Variants in CCDC85A observed in about 807,000 individuals in gnomAD.
CCDC85A encodes coiled-coil domain-containing protein 85A.
In CCDC85A, 38 loss-of-function variants were observed where a neutral mutation model predicts 50.2. That is an observed-to-expected ratio of 0.76 (90% CI 0.58 to 0.99). The LOEUF (loss-of-function observed/expected upper bound fraction) is 0.99, where lower values mean the gene tolerates loss of function less well. CCDC85A is among the 50% of genes least tolerant of loss of function. The probability of loss-of-function intolerance (pLI) is 0.00; values close to 1 mark genes in which losing one functional copy is unlikely to be tolerated. For missense variants in CCDC85A, 820 were observed against 742.0 expected (o/e 1.11, Z -1.22); for synonymous variants, 366 against 301.4 (o/e 1.21, Z -2.22).
chr2:56,187,907 A>G (rs1028643630), intron 1 of CCDC85A, among the ~76,000 whole-genome samples: 3 of 152,210 alleles, frequency 2.0e-5, no homozygotes, highest in Admixed American at 1.3e-4. Flanking sequence ...GAATCTCTGT[A>G]GATTTGTTTT....
chr2:56,188,171 T>C (rs566090065), intron 1 of CCDC85A, among the ~76,000 whole-genome samples: 2 of 152,332 alleles, frequency 1.3e-5, no homozygotes, highest in East Asian at 3.9e-4. Context: ...CCTAGTGTTT[T>C]GCAAAAGAAA....
At chr2:56,216,535 C>G (rs1166693555) in intron 2 of CCDC85A, among the ~76,000 whole-genome samples, 1 of 151,756 alleles carries the variant, frequency 6.6e-6, no homozygotes, top group Non-Finnish European at 1.5e-5. Context: ...TCTTTTTCTT[C>G]TAAAATACCG....
At chr2:56,341,496 C>T (rs148493489) in intron 2 of CCDC85A, among the ~76,000 whole-genome samples, 276 of 152,238 alleles carry the variant, frequency 1.8e-3, no homozygotes, top group African/African-American at 6.4e-3. Context: ...TGCTGTGTAC[C>T]TTTCACTGCA....
chr2:56,340,905 G>C (rs976855304), intron 2 of CCDC85A, among the ~76,000 whole-genome samples: 44 of 144,564 alleles, frequency 3.0e-4, no homozygotes, highest in Admixed American at 8.9e-4. Flanking sequence ...AAAAGCTTTA[G>C]AGCAGGAATG....
Position 56,313,226 on chromosome 2 carries a change from C to T in CCDC85A, c.1241-29653C>T, listed in dbSNP as rs115565281. On this transcript the variant is annotated intron_variant, in intron 2 of 5. Transcript: ENST00000407595. ...TGTCTTCTATTTTTATCTTAACAGT[C>T]TTTATGTAAGACTTTAAGTAATATT... Among the ~76,000 whole-genome samples, 1,244 of 152,142 alleles carry T rather than the reference C, an allele frequency of 8.2e-3. 27 individuals are homozygous for T. Among genetic ancestry groups the T allele is most frequent in the African/African-American group, 0.028 (1,169 of 41,522 alleles).
chr2:56,318,326 A>G (rs1673011615), intron 2 of CCDC85A, among the ~76,000 whole-genome samples: 1 of 151,918 alleles, frequency 6.6e-6, no homozygotes, highest in South Asian at 2.1e-4. Context: ...CATCGTGCTA[A>G]GCTCATCCAC....
At position 56,383,529 on chromosome 2, in the gene CCDC85A, A is replaced by T. The variant is rs552109829; in HGVS notation, c.1573-737A>T. 3.2e-6 allele frequency: 3 copies of T among 951,254 alleles called. No homozygotes were observed. In the East Asian group the frequency reaches 3.5e-4, roughly 110 times the overall value. 58.9% of individuals were successfully genotyped at this position (951,254 alleles called of 1,614,324 possible). A position where few individuals can be genotyped will look rare whatever the true frequency, so the allele number is the denominator to read the frequency against. The stretch of plus-strand genomic sequence containing the variant: ...CACCTTTTGTCCCTCTATGTGGCCC[A>T]GCTTCTAACATATTGTAATTGTATC... On this transcript the variant is annotated intron_variant, in intron 5 of 5. Coordinates refer to ENST00000407595, the MANE Select transcript of CCDC85A (RefSeq NM_001080433.2).
At chr2:56,215,927 A>AT (rs1268668124) in intron 2 of CCDC85A, among the ~76,000 whole-genome samples, 1 of 151,936 alleles carries the variant, frequency 6.6e-6, no homozygotes, top group Admixed American at 6.6e-5. Flanking sequence ...AAATTATGAC[A>AT]TTTAAACTTC....
At chr2:56,264,113 G>T (rs544954589) in intron 2 of CCDC85A, among the ~76,000 whole-genome samples, 2 of 152,154 alleles carry the variant, frequency 1.3e-5, no homozygotes, top group Non-Finnish European at 2.9e-5. Flanking sequence ...TCAGGCTGTG[G>T]GTTGAACAGA....
At chr2:56,328,191 A>G (rs1231417062) in intron 2 of CCDC85A, among the ~76,000 whole-genome samples, 1 of 152,158 alleles carries the variant, frequency 6.6e-6, no homozygotes, top group Non-Finnish European at 1.5e-5. Context: ...AAAGCATGCT[A>G]AAAGGAAGCA....
intron 3 of CCDC85A, among the ~76,000 whole-genome samples, chr2:56,345,723 TAC>T (rs1674602314): frequency 6.6e-6 from 1 of 152,218 alleles, no homozygotes; most frequent in Non-Finnish European, 1.5e-5. Context: ...TCAGCTGGAT[TAC>T]ACAAAGGCAT....
chr2:56,293,116 A>G (rs930533519), intron 2 of CCDC85A, among the ~76,000 whole-genome samples: 1 of 152,180 alleles, frequency 6.6e-6, no homozygotes, highest in Non-Finnish European at 1.5e-5. Context: ...GGCAGCTTTG[A>G]TAGAAGGGGA....
intron 3 of CCDC85A, among the ~76,000 whole-genome samples, chr2:56,362,726 C>T (rs1675594422): frequency 6.6e-6 from 1 of 152,080 alleles, no homozygotes; most frequent in Non-Finnish European, 1.5e-5. Context: ...TCAAGTGATT[C>T]TCCTTCCTCA....
At chr2:56,338,587 G>C (rs146794777) in intron 2 of CCDC85A, among the ~76,000 whole-genome samples, 248 of 152,078 alleles carry the variant, frequency 1.6e-3, no homozygotes, top group African/African-American at 5.1e-3. Context: ...AAAGTGTTGA[G>C]TTTCTTATAC....
At chr2:56,235,873 A>G (rs1023948174) in intron 2 of CCDC85A, among the ~76,000 whole-genome samples, 3 of 152,210 alleles carry the variant, frequency 2.0e-5, no homozygotes, top group African/African-American at 7.2e-5. Context: ...GCTGGACAAG[A>G]CAGATTCTCT....
chr2:56,211,563 T>A (rs1235287091), intron 2 of CCDC85A, among the ~76,000 whole-genome samples: 1 of 152,002 alleles, frequency 6.6e-6, no homozygotes, highest in African/African-American at 2.4e-5. Context: ...AGTTTTTTTT[T>A]AATTAAGGAA....
rs1009273377 is a variant in CCDC85A, at chr2:56,384,484, T to C, written c.*129T>C. 1 of 711,302 alleles carries C rather than the reference T, an allele frequency of 1.4e-6. No homozygotes were observed. Among genetic ancestry groups the C allele is most frequent in the Non-Finnish European group, 2.4e-6 (1 of 419,826 alleles). 44.1% of individuals were successfully genotyped at this position (711,302 alleles called of 1,614,324 possible). A position where few individuals can be genotyped will look rare whatever the true frequency, so the allele number is the denominator to read the frequency against. ...ACATGGAGTGATTGTACATTGCACA[T>C]ATCTCCCCTCTAAAACCTGTAGTAC... On this transcript the variant is annotated 3_prime_UTR_variant, in exon 6 of 6. Coordinates refer to ENST00000407595, the MANE Select transcript of CCDC85A (RefSeq NM_001080433.2).
At chr2:56,219,407 T>C (rs1668224453) in intron 2 of CCDC85A, among the ~76,000 whole-genome samples, 1 of 151,626 alleles carries the variant, frequency 6.6e-6, no homozygotes, top group Admixed American at 6.6e-5. Context: ...TTAAAGTCAG[T>C]TGTATTGAGT....
At chr2:56,268,895 G>A (rs1304748920) in intron 2 of CCDC85A, among the ~76,000 whole-genome samples, 1 of 152,078 alleles carries the variant, frequency 6.6e-6, no homozygotes, top group African/African-American at 2.4e-5. Context: ...GTTATTGTTA[G>A]TTTAGAAAAT....
Sources: allele counts gnomAD v4.1 joint callset (sites outside exome capture counted in the v4.1 genomes callset), GRCh38; gene constraint gnomAD v4.1.1; transcripts MANE v1.5; gene names NCBI Gene and HGNC (gene_info 2026-07-23, HGNC 2026-07-21).